Variants in EFCAB6 observed in about 807,000 individuals in gnomAD.
The protein encoded by EFCAB6 is EF-hand calcium-binding domain-containing protein 6.
A neutral mutation model predicts 169.8 loss-of-function variants in EFCAB6; 156 were observed. That is an observed-to-expected ratio of 0.92 (90% CI 0.81 to 1.05). The LOEUF (loss-of-function observed/expected upper bound fraction) is 1.05. Among genes scored for constraint, EFCAB6 ranks in the 50% least tolerant of loss-of-function variants. EFCAB6 has a pLI of 0.00. For missense variants in EFCAB6, 1,800 were observed against 1,829.1 expected, an observed-to-expected ratio of 0.98 and a Z score of 0.29; for synonymous variants, 698 against 676.4, an observed-to-expected ratio of 1.03 and a Z score of -0.50.
intron 26 of EFCAB6, 99 bp from the exon 27 acceptor site, chr22:43,555,195 T>A: frequency 1.5e-6 from 2 of 1,290,750 alleles, no homozygotes; most frequent in Non-Finnish European, 2.2e-6. Flanking sequence ...AGACCCAGCG[T>A]GGTGGGGAGG....
At chr22:43,530,084 G>A (rs537813657) in intron 31 of EFCAB6, among the ~76,000 whole-genome samples, 31 of 152,298 alleles carry the variant, frequency 2.0e-4, no homozygotes, top group African/African-American at 6.5e-4. Context: ...TGTCTGAGAC[G>A]GCCCCTCAAT....
Position 43,538,311 on chromosome 22 carries a change from C to T in EFCAB6, c.3880-766G>A, listed in dbSNP as rs184279302. Among the ~76,000 whole-genome samples, 373 of 152,282 alleles carry T rather than the reference C, an allele frequency of 2.4e-3. 2 individuals are homozygous for T. Among genetic ancestry groups the T allele is most frequent in the African/African-American group, 8.7e-3 (361 of 41,542 alleles). ...ATACATCCAGAGTCTCACCAGCACC[C>T]CATCCCAAGCCACCATCGCCTCTGC... On this transcript the variant is annotated intron_variant, in intron 28 of 31. Coordinates refer to ENST00000262726, the MANE Select transcript of EFCAB6 (RefSeq NM_022785.4).
chr22:43,673,723 T>C (rs1047284684), intron 13 of EFCAB6, among the ~76,000 whole-genome samples: 2 of 152,196 alleles, frequency 1.3e-5, no homozygotes, highest in Non-Finnish European at 2.9e-5. Flanking sequence ...GAGGTTGCAG[T>C]GAGCCGAGGT....
chr22:43,643,216 C>G (rs1221953221), intron 17 of EFCAB6, among the ~76,000 whole-genome samples: 1 of 152,214 alleles, frequency 6.6e-6, no homozygotes, highest in Non-Finnish European at 1.5e-5. Flanking sequence ...AGAAGTATGA[C>G]CAACTCCATG....
intron 15 of EFCAB6, among the ~76,000 whole-genome samples, chr22:43,671,406 G>A (rs758601064): frequency 2.6e-5 from 4 of 151,902 alleles, no homozygotes; most frequent in Non-Finnish European, 5.9e-5. Flanking sequence ...TTCTCCATGA[G>A]TTGATTGTGT....
intron 21 of EFCAB6, among the ~76,000 whole-genome samples, chr22:43,615,169 T>C (rs530695413): frequency 2.6e-5 from 4 of 152,344 alleles, no homozygotes; most frequent in African/African-American, 9.6e-5. Context: ...GTTTAAAAAA[T>C]ACTTATTAGA....
intron 9 of EFCAB6, 59 bp downstream of exon 9, chr22:43,716,789 T>C: frequency 1.3e-6 from 2 of 1,542,596 alleles, no homozygotes. Flanking sequence ...TAGTTTTCCA[T>C]ATTGTCTACT....
intron 26 of EFCAB6, among the ~76,000 whole-genome samples, chr22:43,561,741 G>T (rs1019462757): frequency 4.6e-5 from 7 of 152,190 alleles, no homozygotes; most frequent in African/African-American, 1.7e-4. Flanking sequence ...GCGCTTCTGT[G>T]TCCCTGGCAC....
chr22:43,777,067 T>C (rs908603448), intron 3 of EFCAB6, among the ~76,000 whole-genome samples: 1 of 152,146 alleles, frequency 6.6e-6, no homozygotes, highest in Non-Finnish European at 1.5e-5. Flanking sequence ...ATCGGATCTG[T>C]AGCTGACAAG....
intron 23 of EFCAB6, among the ~76,000 whole-genome samples, chr22:43,592,746 C>T (rs529282971): frequency 6.6e-6 from 1 of 152,280 alleles, no homozygotes; most frequent in Non-Finnish European, 1.5e-5. Context: ...ACACGGCCTC[C>T]CCACTCTGGT....
intron 21 of EFCAB6, among the ~76,000 whole-genome samples, chr22:43,611,057 C>A (rs2053264992): frequency 6.6e-6 from 1 of 152,150 alleles, no homozygotes; most frequent in Admixed American, 6.5e-5. Flanking sequence ...CTAACTTATT[C>A]TATGAGACCA....
chr22:43,615,287 G>A (rs1189035787), intron 21 of EFCAB6, among the ~76,000 whole-genome samples: 1 of 152,186 alleles, frequency 6.6e-6, no homozygotes, highest in East Asian at 1.9e-4. Flanking sequence ...AGGTCTGGCT[G>A]TCATTGGCCC....
chr22:43,612,059 G>A (rs2053348338), intron 21 of EFCAB6, among the ~76,000 whole-genome samples: 1 of 152,188 alleles, frequency 6.6e-6, no homozygotes, highest in Non-Finnish European at 1.5e-5. Context: ...CAGCAATGGA[G>A]AAAGGATTCC....
intron 6 of EFCAB6, among the ~76,000 whole-genome samples, chr22:43,741,375 C>A (rs1014872622): frequency 6.6e-6 from 1 of 152,162 alleles, no homozygotes; most frequent in Non-Finnish European, 1.5e-5. Context: ...CTTCCTTCTT[C>A]CTTACATGCA....
At chr22:43,690,494 C>T (rs549088248) in intron 10 of EFCAB6, among the ~76,000 whole-genome samples, 405 of 149,014 alleles carry the variant, frequency 2.7e-3, no homozygotes, top group Non-Finnish European at 4.7e-3. Flanking sequence ...CCAGCCTGGG[C>T]GACAGAGCAA....
chr22:43,737,453 TAC>T (rs907695224), intron 6 of EFCAB6, among the ~76,000 whole-genome samples: 2 of 136,792 alleles, frequency 1.5e-5, no homozygotes, highest in Admixed American at 1.5e-4. Flanking sequence ...CATATATTCA[TAC>T]ACACACACCC....
intron 27 of EFCAB6, among the ~76,000 whole-genome samples, chr22:43,550,394 G>A (rs549441629): frequency 1.1e-4 from 16 of 152,264 alleles, no homozygotes; most frequent in South Asian, 6.2e-4. Flanking sequence ...TCAGAAGGCC[G>A]GGCGCGGTGG....
intron 26 of EFCAB6, among the ~76,000 whole-genome samples, chr22:43,558,651 TC>T (rs2048849315): frequency 6.6e-6 from 1 of 152,150 alleles, no homozygotes. Flanking sequence ...TCAGCAACCA[TC>T]GACATTGAGG....
chr22:43,791,183 G>A (rs1471926345), intron 2 of EFCAB6, among the ~76,000 whole-genome samples: 1 of 152,112 alleles, frequency 6.6e-6, no homozygotes, highest in Non-Finnish European at 1.5e-5. Context: ...AGACCAGCCT[G>A]GGCGATATGG....
Sources: allele counts gnomAD v4.1 joint callset (sites outside exome capture counted in the v4.1 genomes callset), GRCh38; gene constraint gnomAD v4.1.1; transcripts MANE v1.5; gene names NCBI Gene and HGNC (gene_info 2026-07-23, HGNC 2026-07-21).